Variants in PTPN11 observed in about 807,000 individuals in gnomAD.
PTPN11 encodes the protein tyrosine-protein phosphatase non-receptor type 11.
PTPN11 carries 6 observed loss-of-function variants against 78.8 expected under a neutral mutation model. That is an observed-to-expected ratio of 0.08 (90% CI 0.04 to 0.15). The LOEUF (loss-of-function observed/expected upper bound fraction) is 0.15, where lower values mean the gene tolerates loss of function less well. Among genes scored for constraint, PTPN11 ranks in the 10% least tolerant of loss-of-function variants. The pLI is 1.00. For missense variants in PTPN11, 386 were observed against 744.8 expected (o/e 0.52, Z 5.61); for synonymous variants, 221 against 263.5 (o/e 0.84, Z 1.56).
intron 13 of PTPN11, among the ~76,000 whole-genome samples, chr12:112,500,534 C>T (rs1348784127): frequency 6.6e-6 from 1 of 152,188 alleles, no homozygotes; most frequent in Non-Finnish European, 1.5e-5. Flanking sequence ...ACTGCTTTAT[C>T]ACTTAATAAA....
intron 1 of PTPN11, among the ~76,000 whole-genome samples, chr12:112,422,484 A>G (rs1315415490): frequency 1.3e-5 from 2 of 152,012 alleles, no homozygotes; most frequent in East Asian, 3.9e-4. Context: ...CCTCCTTTAC[A>G]TCTGTTTTTG....
chr12:112,485,978 C>A (rs2038668288), intron 10 of PTPN11, among the ~76,000 whole-genome samples: 1 of 132,798 alleles, frequency 7.5e-6, no homozygotes. Context: ...AAGACTCTGT[C>A]TTGGAAAAAA....
At chr12:112,419,358 C>T (rs369326081) in intron 1 of PTPN11, among the ~76,000 whole-genome samples, 208 of 152,292 alleles carry the variant, frequency 1.4e-3, no homozygotes, top group African/African-American at 4.9e-3. Flanking sequence ...CCGGCTGCGG[C>T]AGCCCCGGGG....
Position 112,456,021 on chromosome 12 carries a change from G to A in PTPN11, c.714G>A (p.Glu238=). ...SRVRELSKLA[E]TTDKVKQGFW... Reference sequence around the variant, plus strand: ...TTCGAGAACTAAGCAAATTAGCTGAGACCACAGATAAAGTCAAACAAGGCT... The same window carrying A: ...TTCGAGAACTAAGCAAATTAGCTGAAACCACAGATAAAGTCAAACAAGGCT... Residue 238 remains glutamate, a synonymous_variant, in exon 6 of 16, where the codon GAG becomes GAA. Transcript: ENST00000351677. 1.9e-6 allele frequency: 3 copies of A among 1,612,760 alleles called. No individual in the cohort carries two copies. Among genetic ancestry groups the A allele is most frequent in the Non-Finnish European group, 2.5e-6 (3 of 1,178,826 alleles).
intron 1 of PTPN11, among the ~76,000 whole-genome samples, chr12:112,430,653 G>T (rs1382445496): frequency 6.6e-6 from 1 of 151,866 alleles, no homozygotes; most frequent in Non-Finnish European, 1.5e-5. Flanking sequence ...GCCCAGGCTG[G>T]TCTCAAACCT....
Position 112,482,309 on chromosome 12 carries a change from C to A in PTPN11, c.1224+104C>A, listed in dbSNP as rs1404214739. 6 of 1,335,958 alleles carry A rather than the reference C, an allele frequency of 4.5e-6. No individual in the cohort carries two copies. The African/African-American group carries it at 5.8e-5, about 13-fold the overall frequency. The allele number at this position is 1,335,958 out of a possible 1,614,324, so 82.8% of individuals were successfully genotyped here. ...GTTTGCATACATGCATGCATTCGCT[C>A]ACTCATTGATTCAGTAGCCATTTAT... On this transcript the variant is annotated intron_variant, in intron 10 of 15. Transcript: ENST00000351677. The surrounding 1 kb of genome is among the most constrained non-coding windows in gnomAD (Gnocchi z 4.4).
Position 112,508,073 on chromosome 12 carries a change from C to T in PTPN11, c.*2281C>T, listed in dbSNP as rs2038957035. On this transcript the variant is annotated 3_prime_UTR_variant, in exon 16 of 16. Transcript: ENST00000351677. Reference sequence around the variant, plus strand: ...TGACTTTGGGGGTAAAGTCTTTCACCAGCACACAAGAGTTTGATTGTACAA... The same window carrying T: ...TGACTTTGGGGGTAAAGTCTTTCACTAGCACACAAGAGTTTGATTGTACAA... 6.6e-6 allele frequency: 1 copy of T among 152,632 alleles called. No homozygotes were observed. The highest frequency in any genetic ancestry group is 1.5e-5 in the Non-Finnish European group (1 of 68,048). The allele number at this position is 152,632 out of a possible 1,614,324, so 9.5% of individuals were successfully genotyped here.
chr12:112,431,927 A>G (rs2037719054), intron 1 of PTPN11, among the ~76,000 whole-genome samples: 1 of 152,064 alleles, frequency 6.6e-6, no homozygotes. Context: ...ACCACAGACT[A>G]AAAAGGGGGG....
At chr12:112,454,968 C>T (rs1455637756) in intron 5 of PTPN11, among the ~76,000 whole-genome samples, 1 of 149,646 alleles carries the variant, frequency 6.7e-6, no homozygotes, top group Non-Finnish European at 1.5e-5. Flanking sequence ...TACAGGTGCC[C>T]ACCACCATGC....
intron 1 of PTPN11, 138 bp downstream of exon 1, chr12:112,419,263 G>C (rs1408464921): frequency 1.2e-6 from 1 of 868,368 alleles, no homozygotes; most frequent in East Asian, 3.5e-5. Flanking sequence ...TTCCCTCCTC[G>C]TCCCCTCGCC....
Position 112,504,224 on chromosome 12 carries a change from C to G in PTPN11, c.1713-471C>G, listed in dbSNP as rs2038908419. Among the ~76,000 whole-genome samples the G allele has an allele frequency of 6.6e-6, 1 of 152,164 alleles. No homozygotes were observed. Among genetic ancestry groups the G allele is most frequent in the South Asian group, 2.1e-4 (1 of 4,830 alleles). On this transcript the variant is annotated intron_variant, in intron 14 of 15. Transcript: ENST00000351677. This position sits in a 1 kb window ranked among gnomAD's most constrained non-coding sequence, Gnocchi z 4.7. ...TTCTGTTGTTTTTTTGAGATGGAGT[C>G]TCGCTCTGTCGCCCAGGCTGGAGTG...
chr12:112,501,229 A>C (rs949472621), intron 13 of PTPN11, among the ~76,000 whole-genome samples: 8 of 152,184 alleles, frequency 5.3e-5, no homozygotes, highest in Non-Finnish European at 1.0e-4. Context: ...TAGATGTCCT[A>C]CCAAATATAG....
chr12:112,454,813 C>G, intron 5 of PTPN11, 133 bp downstream of exon 5: 1 of 580,618 alleles, frequency 1.7e-6, no homozygotes, highest in Middle Eastern at 3.8e-4. Context: ...CTTCAACTAT[C>G]AAATCTTTTT....
At chr12:112,457,207 G>A in intron 6 of PTPN11, 1 of 390,798 alleles carries the variant, frequency 2.6e-6, no homozygotes, top group Non-Finnish European at 5.0e-6. Flanking sequence ...CCAGGAGTTT[G>A]CCCCCATCCC....
At chr12:112,442,379 C>A (rs1417813756) in intron 1 of PTPN11, among the ~76,000 whole-genome samples, 1 of 152,010 alleles carries the variant, frequency 6.6e-6, no homozygotes, top group African/African-American at 2.4e-5. Context: ...ATCCCCAAAT[C>A]TCAAATCTGA....
intron 13 of PTPN11, among the ~76,000 whole-genome samples, chr12:112,496,833 A>G (rs1225847728): frequency 1.3e-5 from 2 of 152,216 alleles, no homozygotes; most frequent in Non-Finnish European, 2.9e-5. Flanking sequence ...CAGTATACAG[A>G]GATCTGAACA....
chr12:112,454,042 T>C, intron 4 of PTPN11, among the ~76,000 whole-genome samples: 1 of 152,082 alleles, frequency 6.6e-6, no homozygotes, highest in Non-Finnish European at 1.5e-5. Flanking sequence ...TATATTAGCA[T>C]ATTTAATATA....
intron 6 of PTPN11, among the ~76,000 whole-genome samples, chr12:112,472,698 A>C (rs866083421): frequency 7.9e-5 from 12 of 151,836 alleles, no homozygotes; most frequent in Non-Finnish European, 1.3e-4. Context: ...CTGTGGTTTT[A>C]CCATGTTGGC....
At chr12:112,426,351 G>C (rs943354282) in intron 1 of PTPN11, among the ~76,000 whole-genome samples, 3 of 152,032 alleles carry the variant, frequency 2.0e-5, no homozygotes, top group Admixed American at 6.6e-5. Context: ...CTGCCCCCTT[G>C]ATTCACGCGA....
Sources: gnomAD v4.1 joint callset for allele counts (sites outside exome capture counted in the v4.1 genomes callset) on GRCh38, gnomAD v4.1.1 for gene constraint, Gnocchi (gnomAD v3.1) non-coding constraint, MANE v1.5 for transcripts, NCBI Gene and HGNC (gene_info 2026-07-23, HGNC 2026-07-21) for gene names.